The following STARD13 variants were observed in gnomAD, a reference collection of about 807,000 sequenced individuals.
The protein encoded by STARD13 is StAR related lipid transfer domain containing 13, also known as stAR-related lipid transfer protein 13.
A neutral mutation model predicts 106.4 loss-of-function variants in STARD13; 62 were observed. The ratio of observed to expected loss-of-function variants is 0.58; its 90% CI spans 0.48 to 0.72. The LOEUF is 0.72. STARD13 is among the 30% of genes least tolerant of loss of function. The pLI, the probability that STARD13 is intolerant of heterozygous loss-of-function variation, is 0.00. For synonymous variants in STARD13, 565 were observed against 553.0 expected, an observed-to-expected ratio of 1.02 and a Z score of -0.31; for missense variants, 1,387 against 1,424.0, an observed-to-expected ratio of 0.97 and a Z score of 0.42.
chr13:33,251,894 A>G (rs114510653), intron 1 of STARD13, among the ~76,000 whole-genome samples: 1,850 of 152,362 alleles, frequency 0.012, 34 homozygotes, highest in African/African-American at 0.042. Flanking sequence ...ACACAATTTC[A>G]AAGTAAATTC....
chr13:33,576,493 CAA>C, the STARD13 span, among the ~76,000 whole-genome samples: 1 of 152,056 alleles, frequency 6.6e-6, no homozygotes, highest in African/African-American at 2.4e-5. Context: ...CTCAGCCTCC[CAA>C]AGTGTTGGGA....
the STARD13 span, among the ~76,000 whole-genome samples, chr13:33,392,786 T>C: frequency 1.3e-5 from 2 of 152,222 alleles, no homozygotes; most frequent in African/African-American, 2.4e-5. Flanking sequence ...TCCCCTAATA[T>C]GCACTGGCAG....
At chr13:33,252,587 C>A (rs999443870) in intron 1 of STARD13, among the ~76,000 whole-genome samples, 1 of 152,208 alleles carries the variant, frequency 6.6e-6, no homozygotes, top group African/African-American at 2.4e-5. Context: ...ATGTTGAAGC[C>A]GTCAGAGGGA....
the STARD13 span, among the ~76,000 whole-genome samples, chr13:33,414,277 T>G: frequency 6.6e-6 from 1 of 152,138 alleles, no homozygotes; most frequent in Admixed American, 6.5e-5. Flanking sequence ...AGAAATTTCT[T>G]CCAGCAATTG....
intron 1 of STARD13, among the ~76,000 whole-genome samples, chr13:33,338,345 C>T (rs2077919782): frequency 6.6e-6 from 1 of 152,016 alleles, no homozygotes; most frequent in South Asian, 2.1e-4. Context: ...TTATCTAGTC[C>T]AATTTCTCTC....
chr13:33,327,573 G>A (rs1234571609), intron 1 of STARD13, among the ~76,000 whole-genome samples: 2 of 152,118 alleles, frequency 1.3e-5, no homozygotes, highest in Non-Finnish European at 2.9e-5. Context: ...GTCTTGCTAT[G>A]TTGCCCAGGT....
At chr13:33,353,035 G>T (rs1439370681), upstream of STARD13, among the ~76,000 whole-genome samples, 2 of 152,052 alleles carry the variant, frequency 1.3e-5, no homozygotes, top group South Asian at 2.1e-4. Flanking sequence ...CCGAGACCAC[G>T]TCCCTCACCT....
chr13:33,558,161 C>G, the STARD13 span, among the ~76,000 whole-genome samples: 1 of 152,188 alleles, frequency 6.6e-6, no homozygotes, highest in African/African-American at 2.4e-5. Context: ...TTTCCAAATT[C>G]TCCCAAGGTT....
At chr13:33,499,604 T>TTCTTCCTTCTTCTTC in the STARD13 span, among the ~76,000 whole-genome samples, 2 of 39,898 alleles carry the variant, frequency 5.0e-5, no homozygotes, top group African/African-American at 1.8e-4. Flanking sequence ...CTTCTTCTTC[T>TTCTTCCTTCTTCTTC]TTCTTCTTCT....
chr13:33,204,399 A>AG (rs2138109424), intron 1 of STARD13, among the ~76,000 whole-genome samples: 1 of 152,262 alleles, frequency 6.6e-6, no homozygotes, highest in South Asian at 2.1e-4. Flanking sequence ...CCTTCCTCTC[A>AG]TTTTTCACAT....
chr13:33,141,867 C>T (rs1358812694), intron 4 of STARD13, among the ~76,000 whole-genome samples: 1 of 152,076 alleles, frequency 6.6e-6, no homozygotes, highest in Non-Finnish European at 1.5e-5. Context: ...TATTTTACAT[C>T]TTTACGCAAA....
chr13:33,518,645 G>A, the STARD13 span, among the ~76,000 whole-genome samples: 2 of 152,016 alleles, frequency 1.3e-5, no homozygotes, highest in Non-Finnish European at 2.9e-5. Flanking sequence ...GGGTGGGGAG[G>A]ATGATAGGGC....
the STARD13 span, among the ~76,000 whole-genome samples, chr13:33,455,837 G>C: frequency 3.3e-5 from 5 of 151,790 alleles, no homozygotes. Flanking sequence ...CCAGCTACTC[G>C]GGAGGCTGAG....
the STARD13 span, among the ~76,000 whole-genome samples, chr13:33,515,499 T>C: frequency 6.6e-6 from 1 of 152,132 alleles, no homozygotes. Flanking sequence ...AGTGCAGAGA[T>C]AGCTGGCACA....
intron 5 of STARD13, among the ~76,000 whole-genome samples, chr13:33,128,658 G>A (rs1040758020): frequency 5.9e-5 from 9 of 152,104 alleles, no homozygotes; most frequent in Non-Finnish European, 1.2e-4. Context: ...CCAGTATAAC[G>A]CTTTGCACAT....
intron 1 of STARD13, among the ~76,000 whole-genome samples, chr13:33,295,927 A>G (rs1032715802): frequency 1.1e-4 from 16 of 151,716 alleles, no homozygotes; most frequent in Non-Finnish European, 1.9e-4. Flanking sequence ...AATCACCATG[A>G]CAGGCCAGGC....
At position 33,129,297 on chromosome 13, in the gene STARD13, GTCATAGATACTGAC is replaced by G; in HGVS notation, c.1366_1379del (p.Val456GlnfsTer21). The stretch of plus-strand genomic sequence containing the variant: ...CATACAGATGGGAGCCAGGGACATT[GTCATAGATACTGAC>G]TCGGCTGGCTCTGTGGCAGGACGCC... On this transcript the variant is annotated frameshift_variant, in exon 5 of 14. Transcript: ENST00000336934. LOFTEE classifies it high-confidence loss of function. 1 of 1,614,142 alleles carries G rather than the reference GTCATAGATACTGAC, an allele frequency of 6.2e-7. No individual in the cohort carries two copies. The highest frequency in any genetic ancestry group is 8.5e-7 in the Non-Finnish European group (1 of 1,180,040).
intron 9 of STARD13, among the ~76,000 whole-genome samples, 191 bp downstream of exon 9, chr13:33,112,530 C>T (rs1000620106): frequency 1.3e-5 from 2 of 152,156 alleles, no homozygotes; most frequent in African/African-American, 4.8e-5. Context: ...TGTCATCTAT[C>T]ATCTATGTAT....
chr13:33,538,151 G>A, the STARD13 span, among the ~76,000 whole-genome samples: 1 of 152,134 alleles, frequency 6.6e-6, no homozygotes, highest in Non-Finnish European at 1.5e-5. Context: ...CCTCTGAACC[G>A]TGAAGAACTA....
Sources: allele counts gnomAD v4.1 joint callset (sites outside exome capture counted in the v4.1 genomes callset), GRCh38; gene constraint gnomAD v4.1.1; transcripts MANE v1.5; gene names NCBI Gene and HGNC (gene_info 2026-07-23, HGNC 2026-07-21).